The following PCDH7 variants were observed in gnomAD, a reference collection of about 807,000 sequenced individuals.
PCDH7 encodes protocadherin 7.
Under a neutral mutation model 58.9 loss-of-function variants are expected in PCDH7, and 17 were observed. The observed-to-expected ratio is 0.29, with a 90% CI of 0.20 to 0.43. The LOEUF (loss-of-function observed/expected upper bound fraction) is 0.43, where lower values mean the gene tolerates loss of function less well. PCDH7 is among the 20% of genes least tolerant of loss of function. PCDH7 has a pLI of 1.00. For synonymous variants in PCDH7, 664 were observed against 616.4 expected (o/e 1.08, Z -1.14); for missense variants, 1,274 against 1,441.0 (o/e 0.88, Z 1.88).
intron 3 of PCDH7, among the ~76,000 whole-genome samples, chr4:31,085,964 C>A (rs1712378547): frequency 6.6e-6 from 1 of 151,256 alleles, no homozygotes; most frequent in Non-Finnish European, 1.5e-5. Flanking sequence ...CAGGAAGATA[C>A]TCTTTAAAGA....
chr4:30,781,937 G>A (rs1045384582), intron 1 of PCDH7, among the ~76,000 whole-genome samples: 5 of 152,150 alleles, frequency 3.3e-5, no homozygotes, highest in African/African-American at 1.2e-4. Context: ...CTTTGTGTGT[G>A]TGTATACTCT....
At chr4:31,053,814 T>C (rs1230983111) in intron 3 of PCDH7, among the ~76,000 whole-genome samples, 1 of 152,054 alleles carries the variant, frequency 6.6e-6, no homozygotes, top group African/African-American at 2.4e-5. Context: ...ATTCTTTTGA[T>C]TTTCCCATAC....
chr4:30,841,542 T>A (rs541610473), intron 1 of PCDH7, among the ~76,000 whole-genome samples: 5 of 152,290 alleles, frequency 3.3e-5, no homozygotes, highest in South Asian at 4.1e-4. Context: ...AAACTTGTTT[T>A]TCTGACGTGA....
chr4:30,999,879 G>A (rs934325131), intron 3 of PCDH7, among the ~76,000 whole-genome samples: 2 of 152,064 alleles, frequency 1.3e-5, no homozygotes, highest in Admixed American at 1.3e-4. Flanking sequence ...GAAAACATTT[G>A]TGTTAATACC....
intron 1 of PCDH7, among the ~76,000 whole-genome samples, chr4:30,793,734 C>G (rs1409280743): frequency 6.6e-6 from 1 of 152,096 alleles, no homozygotes; most frequent in Non-Finnish European, 1.5e-5. Flanking sequence ...ACTATGTGTG[C>G]AATAGCGTTA....
chr4:30,897,355 G>A (rs4386561), intron 1 of PCDH7, among the ~76,000 whole-genome samples: 34,417 of 151,934 alleles, frequency 0.23, 4,267 homozygotes, highest in Middle Eastern at 0.29. Flanking sequence ...AAATGCTATG[G>A]TTTACTAAAT....
At chr4:30,764,703 T>A (rs1012744138) in intron 1 of PCDH7, among the ~76,000 whole-genome samples, 1 of 108,788 alleles carries the variant, frequency 9.2e-6, no homozygotes, top group Non-Finnish European at 1.9e-5. Flanking sequence ...TGATTATATG[T>A]TTGGTGTTTG....
chr4:30,977,868 ATGT>A (rs1182461581), intron 3 of PCDH7, among the ~76,000 whole-genome samples: 5 of 152,154 alleles, frequency 3.3e-5, no homozygotes, highest in African/African-American at 1.2e-4. Context: ...GTATTTTCCC[ATGT>A]TGGCCATTTT....
chr4:30,769,696 A>C, intron 1 of PCDH7, among the ~76,000 whole-genome samples: 1 of 152,208 alleles, frequency 6.6e-6, no homozygotes, highest in East Asian at 1.9e-4. Context: ...TGGTGTAAAT[A>C]AGAGAAAATG....
intron 3 of PCDH7, among the ~76,000 whole-genome samples, chr4:31,086,517 G>A (rs796167869): frequency 2.6e-4 from 40 of 152,154 alleles, no homozygotes; most frequent in African/African-American, 8.9e-4. Context: ...TACTTAATAA[G>A]TATTTTGTTT....
intron 1 of PCDH7, among the ~76,000 whole-genome samples, chr4:30,879,038 T>C (rs1295825287): frequency 6.6e-6 from 1 of 152,034 alleles, no homozygotes; most frequent in Middle Eastern, 3.2e-3. Context: ...AAAATATATA[T>C]GTGAAATATT....
rs76424980 is a variant in PCDH7 at position 30,982,620 on chromosome 4, A to G, written c.*7+32405A>G. Among the ~76,000 whole-genome samples, 251 of 152,314 alleles carry G rather than the reference A, an allele frequency of 1.6e-3. 3 individuals carry two copies. The East Asian group carries it at 0.045, about 27-fold the overall frequency. The stretch of plus-strand genomic sequence containing the variant: ...CCTCCTTTTCAAAATAATTAACAAA[A>G]CAACTCTTAACCCATTGTGTAATAC... On this transcript the variant is annotated intron_variant, in intron 3 of 3. Transcript: ENST00000509759.
chr4:30,790,132 G>A (rs1723925227), intron 1 of PCDH7, among the ~76,000 whole-genome samples: 1 of 152,110 alleles, frequency 6.6e-6, no homozygotes, highest in Non-Finnish European at 1.5e-5. Context: ...TTTTTTGAAT[G>A]CTATTATTTC....
chr4:30,881,047 A>G (rs1168587890), intron 1 of PCDH7, among the ~76,000 whole-genome samples: 1 of 152,192 alleles, frequency 6.6e-6, no homozygotes, highest in Non-Finnish European at 1.5e-5. Flanking sequence ...TCATTAAATC[A>G]AACCAGTTCA....
At chr4:31,002,191 C>G (rs1752411457) in intron 3 of PCDH7, among the ~76,000 whole-genome samples, 1 of 152,122 alleles carries the variant, frequency 6.6e-6, no homozygotes, top group Non-Finnish European at 1.5e-5. Context: ...CCAAAAATGT[C>G]GAGTGATCCT....
At chr4:30,907,982 A>G (rs1322509030) in intron 1 of PCDH7, among the ~76,000 whole-genome samples, 1 of 152,188 alleles carries the variant, frequency 6.6e-6, no homozygotes, top group Non-Finnish European at 1.5e-5. Context: ...CATCATTCTA[A>G]GCAAACTATT....
intron 1 of PCDH7, among the ~76,000 whole-genome samples, chr4:30,864,338 A>C (rs562563817): frequency 1.1e-4 from 17 of 151,960 alleles, no homozygotes; most frequent in Non-Finnish European, 2.4e-4. Flanking sequence ...CCTTGAAAAA[A>C]TAGGGAATTT....
At chr4:31,077,409 C>CAAA (rs36096768) in intron 3 of PCDH7, among the ~76,000 whole-genome samples, 2 of 87,992 alleles carry the variant, frequency 2.3e-5, no homozygotes, top group African/African-American at 4.2e-5. Context: ...AACTCCATCT[C>CAAA]AAAAAAAAAA....
intron 1 of PCDH7, among the ~76,000 whole-genome samples, chr4:30,742,700 A>G (rs1717239130): frequency 6.6e-6 from 1 of 152,094 alleles, no homozygotes; most frequent in Middle Eastern, 3.2e-3. Flanking sequence ...TGCCCTTTTG[A>G]TCTTTGTCAT....
Sources: allele counts gnomAD v4.1 joint callset (sites outside exome capture counted in the v4.1 genomes callset), GRCh38; gene constraint gnomAD v4.1.1; transcripts MANE v1.5; gene names NCBI Gene and HGNC (gene_info 2026-07-23, HGNC 2026-07-21).